The following CCBE1 variants were observed in gnomAD, a reference collection of about 807,000 sequenced individuals.
The protein encoded by CCBE1 is collagen and calcium binding EGF domains 1.
Under a neutral mutation model 50.0 loss-of-function variants are expected in CCBE1, and 37 were observed. The ratio of observed to expected loss-of-function variants is 0.74; its 90% CI spans 0.57 to 0.97. The LOEUF is 0.97. Ranked by LOEUF, CCBE1 falls within the 50% of genes least tolerant of loss-of-function variation. The pLI is 0.00. For missense variants in CCBE1, 538 were observed against 523.8 expected (o/e 1.03, Z -0.26); for synonymous variants, 234 against 203.7 (o/e 1.15, Z -1.27).
Position 59,696,717 on chromosome 18 carries a change from A to G in CCBE1, c.132-8T>C. Reference sequence around the variant, plus strand: ...CTCTCTGAGCAGATTTCTCTATGAAAAAGTGCAGAGGAAATGTTCGATTCT... The same window carrying G: ...CTCTCTGAGCAGATTTCTCTATGAAGAAGTGCAGAGGAAATGTTCGATTCT... On this transcript the variant is annotated splice_polypyrimidine_tract_variant and splice_region_variant and intron_variant, in intron 1 of 10. Transcript: ENST00000439986. 2 of 1,613,588 alleles carry G rather than the reference A, an allele frequency of 1.2e-6. No homozygotes were observed. Among genetic ancestry groups the G allele is most frequent in the Non-Finnish European group, 1.7e-6 (2 of 1,179,666 alleles).
intron 7 of CCBE1, among the ~76,000 whole-genome samples, chr18:59,444,480 G>T (rs1384999539): frequency 2.0e-5 from 3 of 151,218 alleles, no homozygotes. Flanking sequence ...CAGTGCCCAG[G>T]GTTCCAATTT....
chr18:59,621,822 G>A (rs889872500), intron 2 of CCBE1, among the ~76,000 whole-genome samples: 1 of 152,140 alleles, frequency 6.6e-6, no homozygotes, highest in South Asian at 2.1e-4. Flanking sequence ...TTGCCTTAAT[G>A]TCAGAAATCA....
intron 2 of CCBE1, among the ~76,000 whole-genome samples, chr18:59,611,596 A>C (rs2053569525): frequency 6.6e-6 from 1 of 152,180 alleles, no homozygotes; most frequent in Non-Finnish European, 1.5e-5. Context: ...AATACAAAAA[A>C]ATAGCTGGGC....
At chr18:59,562,195 T>C (rs2052748742) in intron 2 of CCBE1, among the ~76,000 whole-genome samples, 1 of 140,768 alleles carries the variant, frequency 7.1e-6, no homozygotes, top group African/African-American at 3.0e-5. Flanking sequence ...TAGTATGGTC[T>C]TTCATGCATG....
In CCBE1 at chr18:59,697,335, G is replaced by A. The variant is rs1363463860; in HGVS notation, c.8C>T (p.Pro3Leu). The A allele has an allele frequency of 6.5e-7, 1 of 1,547,408 alleles. No homozygotes were observed. Among genetic ancestry groups the A allele is most frequent in the Non-Finnish European group, 8.7e-7 (1 of 1,146,824 alleles). The change falls in exon 1 of 11, where the codon CCG (proline) becomes CTG (leucine). Residue 3 changes from proline (P) to leucine (L), a missense_variant. Pro to Leu is a moderately conservative substitution (Grantham distance 98). Transcript: ENST00000439986. MV[P>L]PPPSRGGAAR... is the part of the protein sequence containing the mutation. ...AGCTCCTCCCCGGCTCGGAGGCGGC[G>A]GCACCATCAGGGAAGCTCCCGGCTT... is the stretch of plus-strand genomic sequence containing the variant.
At chr18:59,569,109 T>C (rs2144479699) in intron 2 of CCBE1, among the ~76,000 whole-genome samples, 1 of 152,358 alleles carries the variant, frequency 6.6e-6, no homozygotes, top group African/African-American at 2.4e-5. Context: ...TCTCCTTTTA[T>C]TCAAACAATT....
intron 2 of CCBE1, among the ~76,000 whole-genome samples, chr18:59,684,917 G>T (rs1447870394): frequency 6.6e-6 from 1 of 152,110 alleles, no homozygotes; most frequent in Non-Finnish European, 1.5e-5. Flanking sequence ...AATTCTTTCA[G>T]TTATCAGGAG....
intron 5 of CCBE1, among the ~76,000 whole-genome samples, chr18:59,464,388 A>G (rs1349647886): frequency 6.6e-6 from 1 of 152,222 alleles, no homozygotes; most frequent in East Asian, 1.9e-4. Context: ...AGATTGCACC[A>G]CTGCACTCCA....
chr18:59,497,234 C>G (rs192484654), intron 2 of CCBE1, among the ~76,000 whole-genome samples: 1 of 152,084 alleles, frequency 6.6e-6, no homozygotes, highest in African/African-American at 2.4e-5. Context: ...GTGAAATACT[C>G]GGAAGCCAAA....
chr18:59,501,474 A>G (rs926352394), intron 2 of CCBE1, among the ~76,000 whole-genome samples: 2 of 152,126 alleles, frequency 1.3e-5, no homozygotes, highest in Non-Finnish European at 2.9e-5. Context: ...ACAACCTGAC[A>G]AGCTGTGTGG....
chr18:59,458,279 G>T (rs1911298954), intron 5 of CCBE1, among the ~76,000 whole-genome samples: 1 of 152,162 alleles, frequency 6.6e-6, no homozygotes, highest in Non-Finnish European at 1.5e-5. Flanking sequence ...TGGAGCATCT[G>T]CTGTTAGCCA....
Position 59,433,224 on chromosome 18 carries a change from G to A in CCBE1, c.*2684C>T, listed in dbSNP as rs1419528296. Reference sequence around the variant, plus strand: ...TCGAAAAGAGGCAGACTGGTTCCTGGGGTTACTGCCCTTCTAGGGGAAAGT... The same window carrying A: ...TCGAAAAGAGGCAGACTGGTTCCTGAGGTTACTGCCCTTCTAGGGGAAAGT... On this transcript the variant is annotated 3_prime_UTR_variant, in exon 11 of 11. Coordinates refer to ENST00000439986, the MANE Select transcript of CCBE1 (RefSeq NM_133459.4). 1 of 151,844 alleles carries A rather than the reference G, an allele frequency of 6.6e-6. No homozygotes were observed. Among genetic ancestry groups the A allele is most frequent in the African/African-American group, 2.4e-5 (1 of 41,292 alleles). The allele number at this position is 151,844 out of a possible 1,614,324, so 9.4% of individuals were successfully genotyped here.
intron 2 of CCBE1, among the ~76,000 whole-genome samples, chr18:59,611,911 G>A (rs570237557): frequency 6.6e-6 from 1 of 152,278 alleles, no homozygotes; most frequent in South Asian, 2.1e-4. Flanking sequence ...TGTCCATAAA[G>A]TCTTAAGAGC....
intron 3 of CCBE1, among the ~76,000 whole-genome samples, chr18:59,475,868 G>C (rs1170493597): frequency 6.6e-6 from 1 of 152,204 alleles, no homozygotes; most frequent in Non-Finnish European, 1.5e-5. Flanking sequence ...ACAGGTGCCA[G>C]ACACCAGGCC....
chr18:59,450,394 T>C (rs1910875359), intron 6 of CCBE1, among the ~76,000 whole-genome samples: 1 of 152,200 alleles, frequency 6.6e-6, no homozygotes, highest in Non-Finnish European at 1.5e-5. Flanking sequence ...TTTTTAAAAG[T>C]AGAACTGAGG....
chr18:59,599,662 G>A (rs934688799), intron 2 of CCBE1, among the ~76,000 whole-genome samples: 6 of 152,146 alleles, frequency 3.9e-5, no homozygotes, highest in Non-Finnish European at 7.4e-5. Flanking sequence ...CTGACCATGA[G>A]ATCCTGAGCA....
intron 3 of CCBE1, among the ~76,000 whole-genome samples, chr18:59,479,547 C>T (rs532078804): frequency 6.6e-6 from 1 of 152,292 alleles, no homozygotes; most frequent in African/African-American, 2.4e-5. Flanking sequence ...TTCTTAAAAC[C>T]ATAATTTAAC....
intron 2 of CCBE1, among the ~76,000 whole-genome samples, chr18:59,506,676 C>T (rs1913888075): frequency 6.6e-6 from 1 of 152,234 alleles, no homozygotes; most frequent in Non-Finnish European, 1.5e-5. Context: ...ACTGGCTACT[C>T]CCAACAGGAA....
At position 59,435,049 on chromosome 18, in the gene CCBE1, T is replaced by G. The variant is rs543805747; in HGVS notation, c.*859A>C. The G allele has an allele frequency of 6.6e-6, 1 of 152,214 alleles. No individual in the cohort carries two copies. The highest frequency in any genetic ancestry group is 1.5e-5 in the Non-Finnish European group (1 of 68,046). 9.4% of individuals were successfully genotyped at this position (152,214 alleles called of 1,614,324 possible). A position where few individuals can be genotyped will look rare whatever the true frequency, so the allele number is the denominator to read the frequency against. On this transcript the variant is annotated 3_prime_UTR_variant, in exon 11 of 11. Transcript: ENST00000439986. ...CAGTTTATTGAACAAATAATCTATATTTATAGAGCAGACTCCACTGTTGAT... is the reference window on the plus strand; with the variant it reads ...CAGTTTATTGAACAAATAATCTATAGTTATAGAGCAGACTCCACTGTTGAT...
Sources: gnomAD v4.1 joint callset for allele counts (sites outside exome capture counted in the v4.1 genomes callset) on GRCh38, gnomAD v4.1.1 for gene constraint, MANE v1.5 for transcripts, NCBI Gene and HGNC (gene_info 2026-07-23, HGNC 2026-07-21) for gene names.